S1PR2: variants seen among roughly 807,000 people sequenced by gnomAD.
S1PR2 encodes sphingosine 1-phosphate receptor 2.
S1PR2 carries 9 observed loss-of-function variants against 16.1 expected under a neutral mutation model. The ratio of observed to expected loss-of-function variants is 0.56; its 90% CI spans 0.34 to 0.98. The LOEUF is 0.98. S1PR2 is among the 50% of genes least tolerant of loss of function. The probability of loss-of-function intolerance (pLI) is 0.02; values close to 1 mark genes in which losing one functional copy is unlikely to be tolerated. For synonymous variants in S1PR2, 224 were observed against 233.9 expected (o/e 0.96, Z 0.38); for missense variants, 361 against 488.4 (o/e 0.74, Z 2.46).
At chr19:10,228,440 C>T (rs73510839) in intron 1 of S1PR2, among the ~76,000 whole-genome samples, 10,788 of 152,192 alleles carry the variant, frequency 0.071, 1,241 homozygotes, top group African/African-American at 0.24. Flanking sequence ...TTCTGCAGCC[C>T]GGGGAGGCTA....
At chr19:10,225,006 G>C in intron 1 of S1PR2, 59 bp from the exon 2 acceptor site, 1 of 964,496 alleles carries the variant, frequency 1.0e-6, no homozygotes, top group South Asian at 1.6e-5. Flanking sequence ...TGCTACCTGG[G>C]CTCTGGCCTC....
In S1PR2 at chr19:10,224,599, C is replaced by T; in HGVS notation, c.307G>A (p.Val103Met). ...GAGCCCTCCCGGGCAAACCACTGCA[C>T]AGGCGTCAGCCTCAGCGTGACAGAG... ...SGSVTLRLTP[V>M]QWFAREGSAF... Residue 103 changes from valine (V) to methionine (M), a missense_variant, in exon 2 of 2, where the codon GTG (valine) becomes ATG (methionine). Transcript: ENST00000646641. The T allele has an allele frequency of 6.2e-7, 1 of 1,613,994 alleles. No individual in the cohort carries two copies. Among genetic ancestry groups the T allele is most frequent in the Middle Eastern group, 1.6e-4 (1 of 6,062 alleles).
chr19:10,227,800 G>A (rs926057595), intron 1 of S1PR2, among the ~76,000 whole-genome samples: 2 of 152,108 alleles, frequency 1.3e-5, no homozygotes, highest in African/African-American at 4.8e-5. Flanking sequence ...ATGCTATGTG[G>A]ACGTCCCTAG....
At position 10,225,027 on chromosome 19, in the gene S1PR2, A is replaced by T. The variant is rs956744209; in HGVS notation, c.-42-80T>A. 4 of 727,724 alleles carry T rather than the reference A, an allele frequency of 5.5e-6. No individual in the cohort carries two copies. In the Admixed American group the frequency reaches 1.1e-4, roughly 20 times the overall value. The allele number at this position is 727,724 out of a possible 1,614,324, so 45.1% of individuals were successfully genotyped here. A position where few individuals can be genotyped will look rare whatever the true frequency, so the allele number is the denominator to read the frequency against. On this transcript the variant is annotated intron_variant, in intron 1 of 1. Coordinates refer to ENST00000646641, the MANE Select transcript of S1PR2 (RefSeq NM_004230.4). ...CTGGGCTCTGGCCTCGGATGGGCTGAGATTCAATTTCCTGCTCTGTTACTC... is the reference window on the plus strand; with the variant it reads ...CTGGGCTCTGGCCTCGGATGGGCTGTGATTCAATTTCCTGCTCTGTTACTC...
rs1340623050 is a variant in S1PR2, at chr19:10,222,446, G to A, written c.*1398C>T. 6.6e-6 allele frequency: 1 copy of A among 152,256 alleles called. No individual in the cohort carries two copies. Among genetic ancestry groups the A allele is most frequent in the Non-Finnish European group, 1.5e-5 (1 of 68,036 alleles). The allele number at this position is 152,256 out of a possible 1,614,324, so 9.4% of individuals were successfully genotyped here. On this transcript the variant is annotated 3_prime_UTR_variant, in exon 2 of 2. Transcript: ENST00000646641. Reference sequence around the variant, plus strand: ...TGGGGGGTGGCTGTTTTTGAAAGGAGGGTGTCTGTGCAAATATCACACCCA... The same window carrying A: ...TGGGGGGTGGCTGTTTTTGAAAGGAAGGTGTCTGTGCAAATATCACACCCA...
At chr19:10,227,398 C>A (rs945931039) in intron 1 of S1PR2, among the ~76,000 whole-genome samples, 1 of 152,158 alleles carries the variant, frequency 6.6e-6, no homozygotes, top group Admixed American at 6.5e-5. Flanking sequence ...GCTGCTCCCC[C>A]AGGGCGGAGG....
chr19:10,227,923 C>G (rs2039645917), intron 1 of S1PR2, among the ~76,000 whole-genome samples: 1 of 152,100 alleles, frequency 6.6e-6, no homozygotes, highest in Non-Finnish European at 1.5e-5. Context: ...AGGTCCCTTT[C>G]CAGGCCTGGG....
At chr19:10,230,158 G>A (rs1052328173) in intron 1 of S1PR2, among the ~76,000 whole-genome samples, 2 of 152,220 alleles carry the variant, frequency 1.3e-5, no homozygotes, top group Non-Finnish European at 2.9e-5. Flanking sequence ...GTGTCTCCAT[G>A]GAGATGGCAG....
chr19:10,224,256 C>T lies in S1PR2; in HGVS notation c.650G>A (p.Arg217His), dbSNP rs138962414. ...GGCGGCCATGTCAGCGTGGCTTGAG[C>T]GGACCACGCAGTAGATGCGCACGTA... ...ALYVRIYCVV[R>H]SSHADMAAPQ... Residue 217 changes from arginine (R) to histidine (H), a missense_variant, in exon 2 of 2, where the codon CGC (arginine) becomes CAC (histidine). Transcript: ENST00000646641. 131 of 1,613,790 alleles carry T rather than the reference C, an allele frequency of 8.1e-5. No individual in the cohort carries two copies. Among genetic ancestry groups the T allele is most frequent in the Non-Finnish European group, 1.0e-4 (121 of 1,180,036 alleles).
chr19:10,230,526 G>C (rs2145447010), intron 1 of S1PR2: 1 of 154,630 alleles, frequency 6.5e-6, no homozygotes, highest in Admixed American at 6.5e-5. Context: ...GAAATCCCCG[G>C]GTGAGTCAAC....
Position 10,224,604 on chromosome 19 carries a change from G to A in S1PR2, c.302C>T (p.Thr101Met), listed in dbSNP as rs776229108. ...LLSGSVTLRL[T>M]PVQWFAREGS... The stretch of plus-strand genomic sequence containing the variant: ...CTCCCGGGCAAACCACTGCACAGGC[G>A]TCAGCCTCAGCGTGACAGAGCCAGA... Residue 101 changes from threonine to methionine, a missense_variant, in exon 2 of 2, where the codon ACG (threonine) becomes ATG (methionine). Thr to Met is a moderately conservative substitution (Grantham distance 81, BLOSUM62 -1). Transcript: ENST00000646641. 29 of 1,613,862 alleles carry A rather than the reference G, an allele frequency of 1.8e-5. No homozygotes were observed. Among genetic ancestry groups the A allele is most frequent in the East Asian group, 1.6e-4 (7 of 44,902 alleles).
intron 1 of S1PR2, among the ~76,000 whole-genome samples, chr19:10,227,394 C>A (rs917324067): frequency 2.0e-5 from 3 of 152,124 alleles, no homozygotes; most frequent in Non-Finnish European, 2.9e-5. Flanking sequence ...GGCAGCTGCT[C>A]CCCCAGGGCG....
Position 10,224,613 on chromosome 19 carries a change from A to C in S1PR2, c.293T>G (p.Leu98Arg). The C allele has an allele frequency of 6.2e-7, 1 of 1,614,056 alleles. No homozygotes were observed. Among genetic ancestry groups the C allele is most frequent in the South Asian group, 1.1e-5 (1 of 91,088 alleles). ...AAACCACTGCACAGGCGTCAGCCTC[A>C]GCGTGACAGAGCCAGAGAGCAAGGT... ...ANTLLSGSVT[L>R]RLTPVQWFAR... Residue 98 changes from leucine (L) to arginine (R), a missense_variant, in exon 2 of 2, where the codon CTG becomes CGG. Transcript: ENST00000646641.
At chr19:10,228,315 C>T (rs1469088173) in intron 1 of S1PR2, among the ~76,000 whole-genome samples, 1 of 112,188 alleles carries the variant, frequency 8.9e-6, no homozygotes, top group Admixed American at 9.3e-5. Context: ...TGTCTCAAAA[C>T]AAAACAAAAC....
Position 10,223,824 on chromosome 19 carries a change from T to G in S1PR2, c.*20A>C. The stretch of plus-strand genomic sequence containing the variant: ...CATGAACCCCTCTGCCCTGGCCTGG[T>G]TGTTGGTCCACCCCCACCCTCAGAC... On this transcript the variant is annotated 3_prime_UTR_variant, in exon 2 of 2. Coordinates refer to ENST00000646641, the MANE Select transcript of S1PR2 (RefSeq NM_004230.4). 6.6e-7 allele frequency: 1 copy of G among 1,517,502 alleles called. No individual in the cohort carries two copies. Among genetic ancestry groups the G allele is most frequent in the Non-Finnish European group, 8.8e-7 (1 of 1,134,026 alleles). The allele number at this position is 1,517,502 out of a possible 1,614,324, so 94.0% of individuals were successfully genotyped here.
chr19:10,226,427 G>C (rs2039635155), intron 1 of S1PR2, among the ~76,000 whole-genome samples: 1 of 152,224 alleles, frequency 6.6e-6, no homozygotes, highest in Admixed American at 6.5e-5. Context: ...GTGCAATAGA[G>C]AGAAGAAAGC....
In S1PR2 at chr19:10,224,195, G is replaced by C. The variant is rs765239276; in HGVS notation, c.711C>G (p.Ile237Met). 1 of 1,611,772 alleles carries C rather than the reference G, an allele frequency of 6.2e-7. No homozygotes were observed. Among genetic ancestry groups the C allele is most frequent in the Non-Finnish European group, 8.5e-7 (1 of 1,180,028 alleles). ...QTLALLKTVT[I>M]VLGVFIVCWL... ...AGCAGACGATAAAGACGCCTAGCAC[G>C]ATGGTGACCGTCTTGAGCAGGGCTA... Residue 237 changes from isoleucine (I) to methionine (M), a missense_variant, in exon 2 of 2, where the codon ATC becomes ATG. Ile to Met is a conservative substitution (Grantham distance 10). Coordinates refer to ENST00000646641, the MANE Select transcript of S1PR2 (RefSeq NM_004230.4).
intron 1 of S1PR2, among the ~76,000 whole-genome samples, chr19:10,229,607 A>G (rs1414344506): frequency 6.6e-6 from 1 of 151,994 alleles, no homozygotes; most frequent in Non-Finnish European, 1.5e-5. Flanking sequence ...AAATCTTTGA[A>G]TGACTGTCTC....
chr19:10,224,259 A>C lies in S1PR2; in HGVS notation c.647T>G (p.Val216Gly). Reference protein sequence around the residue: ...VALYVRIYCVVRSSHADMAAP... With the variant: ...VALYVRIYCVGRSSHADMAAP... The stretch of plus-strand genomic sequence containing the variant: ...GGCCATGTCAGCGTGGCTTGAGCGG[A>C]CCACGCAGTAGATGCGCACGTACAG... The change falls in exon 2 of 2, where the codon GTC becomes GGC. Residue 216 changes from valine (V) to glycine (G), a missense_variant. Transcript: ENST00000646641. 6.2e-7 allele frequency: 1 copy of C among 1,613,986 alleles called. No individual in the cohort carries two copies. Among genetic ancestry groups the C allele is most frequent in the South Asian group, 1.1e-5 (1 of 91,092 alleles).
Sources: allele counts gnomAD v4.1 joint callset (sites outside exome capture counted in the v4.1 genomes callset), GRCh38; gene constraint gnomAD v4.1.1; transcripts MANE v1.5; gene names NCBI Gene and HGNC (gene_info 2026-07-23, HGNC 2026-07-21).